The following CACNA1E variants were observed in gnomAD, a reference collection of about 807,000 sequenced individuals.
CACNA1E encodes calcium voltage-gated channel subunit alpha1 E.
CACNA1E carries 40 observed loss-of-function variants against 259.2 expected under a neutral mutation model. The ratio of observed to expected loss-of-function variants is 0.15; its 90% CI spans 0.12 to 0.20. CACNA1E has a LOEUF of 0.20. Among genes scored for constraint, CACNA1E ranks in the 10% least tolerant of loss-of-function variants. The pLI is 1.00. For synonymous variants in CACNA1E, 1,104 were observed against 1,138.5 expected (o/e 0.97, Z 0.61); for missense variants, 1,874 against 3,040.1 (o/e 0.62, Z 9.02).
intron 7 of CACNA1E, among the ~76,000 whole-genome samples, chr1:181,702,525 T>C (rs1281460990): frequency 6.6e-6 from 1 of 152,116 alleles, no homozygotes; most frequent in Admixed American, 6.6e-5. Context: ...CAAGTAAAAC[T>C]CAAATCTTTA....
chr1:181,567,395 G>A (rs1649951965), intron 3 of CACNA1E, among the ~76,000 whole-genome samples: 1 of 151,992 alleles, frequency 6.6e-6, no homozygotes, highest in South Asian at 2.1e-4. Flanking sequence ...CTCCAGTTTG[G>A]CCATAAATTA....
At chr1:181,610,605 CT>C (rs1654669567) in intron 6 of CACNA1E, among the ~76,000 whole-genome samples, 2 of 152,114 alleles carry the variant, frequency 1.3e-5, no homozygotes, top group African/African-American at 2.4e-5. Context: ...GAAATCAGGC[CT>C]TGTGAATTTG....
At chr1:181,497,960 A>G (rs1664910912) in intron 1 of CACNA1E, among the ~76,000 whole-genome samples, 2 of 151,928 alleles carry the variant, frequency 1.3e-5, no homozygotes, top group African/African-American at 4.8e-5. Context: ...GATCTTTGCT[A>G]TTTTGTCTTT....
chr1:181,654,163 AAAAC>A (rs1424187517), intron 7 of CACNA1E, among the ~76,000 whole-genome samples: 1 of 151,852 alleles, frequency 6.6e-6, no homozygotes, highest in East Asian at 1.9e-4. Context: ...ATTAAAAAAA[AAAAC>A]ATTTAGAGGT....
At chr1:181,388,040 A>G (rs1278870402) in intron 1 of CACNA1E, among the ~76,000 whole-genome samples, 1 of 152,100 alleles carries the variant, frequency 6.6e-6, no homozygotes, top group Non-Finnish European at 1.5e-5. Context: ...TTCCTTCAAC[A>G]TTTGCTCTGA....
At chr1:181,334,978 A>G (rs1182377757) in intron 1 of CACNA1E, among the ~76,000 whole-genome samples, 1 of 152,084 alleles carries the variant, frequency 6.6e-6, no homozygotes, top group East Asian at 1.9e-4. Context: ...TTCCAGTTGC[A>G]CAGGTTCCTT....
At chr1:181,673,556 A>G (rs1649035754) in intron 7 of CACNA1E, among the ~76,000 whole-genome samples, 1 of 152,200 alleles carries the variant, frequency 6.6e-6, no homozygotes, top group East Asian at 1.9e-4. Context: ...CAGCTTTTCC[A>G]AGGTGAGTGA....
At chr1:181,394,055 G>A (rs1656484272) in intron 1 of CACNA1E, among the ~76,000 whole-genome samples, 1 of 152,162 alleles carries the variant, frequency 6.6e-6, no homozygotes, top group African/African-American at 2.4e-5. Context: ...AGAGTGTGAT[G>A]TGGTGACTTC....
chr1:181,541,228 T>C (rs763163122), intron 3 of CACNA1E, among the ~76,000 whole-genome samples: 24 of 152,282 alleles, frequency 1.6e-4, no homozygotes, highest in Admixed American at 7.2e-4. Context: ...GTTCTTAAGG[T>C]CCTAAAAAAT....
chr1:181,372,168 T>A (rs775361669), intron 1 of CACNA1E, among the ~76,000 whole-genome samples: 1 of 152,224 alleles, frequency 6.6e-6, no homozygotes, highest in African/African-American at 2.4e-5. Context: ...TAGCACTGAA[T>A]ATGTAAATTG....
In CACNA1E at chr1:181,431,067, T is replaced by G. The variant is rs1204308326; in HGVS notation, c.434+17487T>G. 3.3e-5 allele frequency among the ~76,000 whole-genome samples: 5 copies of G among 152,148 alleles called. No individual in the cohort carries two copies. In the East Asian group the frequency reaches 9.6e-4, roughly 29 times the overall value. ...CATATATGAAATAGAAAAATGATAT[T>G]CCAAAGAATTATACCTCTCAATTTT... On this transcript the variant is annotated intron_variant, in intron 2 of 11. Coordinates refer to the CACNA1E transcript ENST00000524607.
Position 181,795,000 on chromosome 1 carries a change from ACTC to A in CACNA1E, c.6170_6172del (p.Ser2057del). ...TACAAGTCCCGTCGCCGGAGTTACC[ACTC>A]CTCCTTGCGGCTGTCAGCCCACCGC... On this transcript the variant is annotated inframe_deletion, in exon 46 of 48. Transcript: ENST00000367573. 1 of 1,613,182 alleles carries A rather than the reference ACTC, an allele frequency of 6.2e-7. No individual in the cohort carries two copies. The highest frequency in any genetic ancestry group is 8.5e-7 in the Non-Finnish European group (1 of 1,179,680).
intron 7 of CACNA1E, among the ~76,000 whole-genome samples, chr1:181,687,670 A>G (rs189225557): frequency 5.3e-4 from 80 of 152,240 alleles, no homozygotes; most frequent in Non-Finnish European, 9.7e-4. Flanking sequence ...TTGGACTGGA[A>G]GAAAAATTAT....
At chr1:181,697,983 T>C (rs1474417083) in intron 7 of CACNA1E, among the ~76,000 whole-genome samples, 1 of 152,228 alleles carries the variant, frequency 6.6e-6, no homozygotes, top group African/African-American at 2.4e-5. Context: ...GCTTCCACCC[T>C]CGTGCATGTC....
chr1:181,640,320 C>G (rs1657631646), intron 6 of CACNA1E, among the ~76,000 whole-genome samples: 1 of 152,224 alleles, frequency 6.6e-6, no homozygotes, highest in Admixed American at 6.5e-5. Flanking sequence ...TTCATTATCA[C>G]TGCATCAACG....
chr1:181,401,212 G>A (rs904842675), intron 1 of CACNA1E, among the ~76,000 whole-genome samples: 3 of 152,172 alleles, frequency 2.0e-5, no homozygotes, highest in Non-Finnish European at 4.4e-5. Context: ...CCTTCTTGGT[G>A]AGGCCTACTC....
chr1:181,779,546 C>T (rs776824432), intron 38 of CACNA1E: 6 of 446,524 alleles, frequency 1.3e-5, no homozygotes, highest in South Asian at 8.0e-5. Context: ...CAAGGTTTGC[C>T]TCCCAGTCCC....
chr1:181,507,544 A>G (rs112783758), intron 1 of CACNA1E, among the ~76,000 whole-genome samples: 17 of 152,120 alleles, frequency 1.1e-4, no homozygotes, highest in African/African-American at 3.9e-4. Flanking sequence ...TTGTGAGTGG[A>G]GAGTCAGGGG....
chr1:181,441,928 C>T (rs1180829723), intron 2 of CACNA1E, among the ~76,000 whole-genome samples: 2 of 152,050 alleles, frequency 1.3e-5, no homozygotes, highest in Admixed American at 6.6e-5. Flanking sequence ...GGAGGGGAGC[C>T]GAGAGTTAGA....
Sources: allele counts gnomAD v4.1 joint callset (sites outside exome capture counted in the v4.1 genomes callset), GRCh38; gene constraint gnomAD v4.1.1; transcripts MANE v1.5; gene names NCBI Gene and HGNC (gene_info 2026-07-23, HGNC 2026-07-21).